PAPSS2: variants seen among roughly 807,000 people sequenced by gnomAD.
PAPSS2 encodes bifunctional 3'-phosphoadenosine 5'-phosphosulfate synthase 2.
A neutral mutation model predicts 66.5 loss-of-function variants in PAPSS2; 61 were observed. That is an observed-to-expected ratio of 0.92 (90% CI 0.75 to 1.14). The LOEUF (loss-of-function observed/expected upper bound fraction) is 1.14, where lower values mean the gene tolerates loss of function less well. Among genes scored for constraint, PAPSS2 ranks in the 50% most tolerant of loss-of-function variants. The pLI is 0.00. For missense variants in PAPSS2, 708 were observed against 789.6 expected (o/e 0.90, Z 1.24); for synonymous variants, 289 against 287.5 (o/e 1.01, Z -0.05).
intron 1 of PAPSS2, among the ~76,000 whole-genome samples, chr10:87,703,276 CGTGTGTGT>C (rs10673718): frequency 0.092 from 13,404 of 145,496 alleles, 1,345 homozygotes; most frequent in African/African-American, 0.25. Context: ...AACAACATTG[CGTGTGTGT>C]GTGTGTGTGT....
Position 87,727,320 on chromosome 10 carries a change from C to T in PAPSS2, c.917C>T (p.Pro306Leu). The T allele has an allele frequency of 6.2e-7, 1 of 1,613,800 alleles. No homozygotes were observed. Among genetic ancestry groups the T allele is most frequent in the Non-Finnish European group, 8.5e-7 (1 of 1,179,990 alleles). Reference protein sequence around the residue: ...VINMSIPIVLPVSAEDKTRLE... With the variant: ...VINMSIPIVLLVSAEDKTRLE... ...AACATGAGCATCCCCATTGTACTGC[C>T]CGTCTCTGCAGAGGATAAGACACGG... Residue 306 changes from proline to leucine, a missense_variant, in exon 9 of 13, where the codon CCC (proline) becomes CTC (leucine). Physicochemically the swap from Pro to Leu is moderately conservative, Grantham distance 98. Coordinates refer to ENST00000456849, the MANE Select transcript of PAPSS2 (RefSeq NM_001015880.2).
chr10:87,677,150 C>T (rs985816344), intron 1 of PAPSS2, among the ~76,000 whole-genome samples: 7 of 151,982 alleles, frequency 4.6e-5, no homozygotes, highest in South Asian at 2.1e-4. Context: ...GCTGAGATCA[C>T]GCCACTACAC....
chr10:87,660,890 G>C (rs955088989), intron 1 of PAPSS2: 1 of 438,506 alleles, frequency 2.3e-6, no homozygotes, highest in African/African-American at 2.0e-5. Flanking sequence ...AGACAGCACT[G>C]GGGCCACGTC....
chr10:87,710,635 A>G (rs1448638703), intron 2 of PAPSS2, among the ~76,000 whole-genome samples: 2 of 152,248 alleles, frequency 1.3e-5, no homozygotes, highest in Admixed American at 6.5e-5. Context: ...TCTAAAGGGT[A>G]TACTTTCTCC....
At chr10:87,697,838 A>T (rs1200895662) in intron 1 of PAPSS2, among the ~76,000 whole-genome samples, 1 of 152,034 alleles carries the variant, frequency 6.6e-6, no homozygotes, top group Non-Finnish European at 1.5e-5. Flanking sequence ...CACTGCACAG[A>T]CCTCTGGATT....
At chr10:87,695,010 T>C (rs993885050) in intron 1 of PAPSS2, among the ~76,000 whole-genome samples, 5 of 152,094 alleles carry the variant, frequency 3.3e-5, no homozygotes, top group African/African-American at 1.2e-4. Flanking sequence ...GAAAGCATAG[T>C]CACAAAGAGA....
chr10:87,733,379 T>C (rs1268826098), intron 9 of PAPSS2, among the ~76,000 whole-genome samples: 2 of 152,204 alleles, frequency 1.3e-5, no homozygotes, highest in East Asian at 1.9e-4. Context: ...TGGGGCTTTG[T>C]TGCCTTTCGT....
rs1272542838 is a variant in PAPSS2 at position 87,701,315 on chromosome 10, CCTTCCTTCCTTCCTTTCTTT to C, written c.28-7877_28-7858del. 2.6e-3 allele frequency among the ~76,000 whole-genome samples: 208 copies of C among 78,892 alleles called. 1 individual carries two copies. Among genetic ancestry groups the C allele is most frequent in the African/African-American group, 0.01 (148 of 14,360 alleles). 51.8% of individuals were successfully genotyped at this position (78,892 alleles called of 152,430 possible). On this transcript the variant is annotated intron_variant, in intron 1 of 12. Transcript: ENST00000456849. Reference sequence around the variant, plus strand: ...TTCTTTCTTTTTTCCTTCCTTCCTTCCTTCCTTCCTTCCTTTCTTTCTTTCTTTCTTTCTTTCTTTCTTTC... The same window carrying C: ...TTCTTTCTTTTTTCCTTCCTTCCTTCCTTTCTTTCTTTCTTTCTTTCTTTC...
At chr10:87,669,215 A>G (rs904926605) in intron 1 of PAPSS2, among the ~76,000 whole-genome samples, 1 of 152,202 alleles carries the variant, frequency 6.6e-6, no homozygotes, top group African/African-American at 2.4e-5. Flanking sequence ...GATGCCATTG[A>G]TTAGATAGCA....
At chr10:87,719,884 CTTATT>C (rs1364984939) in intron 7 of PAPSS2, among the ~76,000 whole-genome samples, 6 of 151,984 alleles carry the variant, frequency 3.9e-5, no homozygotes, top group African/African-American at 1.4e-4. Context: ...TTTTCTTTTT[CTTATT>C]TTATTTTATT....
In PAPSS2 at chr10:87,715,099, G is replaced by A; in HGVS notation, c.753+1G>A. On this transcript the variant is annotated splice_donor_variant, in intron 6 of 12. Coordinates refer to ENST00000456849, the MANE Select transcript of PAPSS2 (RefSeq NM_001015880.2). LOFTEE classifies it high-confidence loss of function. The stretch of plus-strand genomic sequence containing the variant: ...TCTCCCTTCATTATCAATTACTAAG[G>A]TAAGTGGGTGCAGACTGGTCAAATA... 2 of 1,509,902 alleles carry A rather than the reference G, an allele frequency of 1.3e-6. No individual in the cohort carries two copies. Among genetic ancestry groups the A allele is most frequent in the South Asian group, 2.2e-5 (2 of 88,958 alleles). 93.5% of individuals were successfully genotyped at this position (1,509,902 alleles called of 1,614,324 possible). A position where few individuals can be genotyped will look rare whatever the true frequency, so the allele number is the denominator to read the frequency against.
chr10:87,684,694 A>G (rs1853065935), intron 1 of PAPSS2, among the ~76,000 whole-genome samples: 1 of 152,200 alleles, frequency 6.6e-6, no homozygotes, highest in African/African-American at 2.4e-5. Flanking sequence ...ACTACCACTG[A>G]TGGGCAGTTG....
At chr10:87,696,472 A>C (rs1853235915) in intron 1 of PAPSS2, among the ~76,000 whole-genome samples, 1 of 152,234 alleles carries the variant, frequency 6.6e-6, no homozygotes, top group Non-Finnish European at 1.5e-5. Context: ...GCTAGGTCTC[A>C]CTGGCTTTCT....
intron 1 of PAPSS2, among the ~76,000 whole-genome samples, chr10:87,672,717 A>G (rs1195709588): frequency 1.3e-5 from 2 of 152,210 alleles, no homozygotes; most frequent in East Asian, 3.8e-4. Flanking sequence ...ACAATGAGAT[A>G]TCTTGGGGGA....
chr10:87,738,029 A>C (rs993583807), intron 9 of PAPSS2, among the ~76,000 whole-genome samples: 1 of 152,222 alleles, frequency 6.6e-6, no homozygotes, highest in African/African-American at 2.4e-5. Flanking sequence ...AGGTTCAGCC[A>C]TGTTATAGCA....
intron 1 of PAPSS2, among the ~76,000 whole-genome samples, chr10:87,681,664 AC>A (rs1320134055): frequency 9.2e-5 from 14 of 152,230 alleles, no homozygotes; most frequent in Non-Finnish European, 8.8e-5. Flanking sequence ...CATTTTCATT[AC>A]GCTAAAAAGA....
chr10:87,700,924 T>G (rs1026854796), intron 1 of PAPSS2, among the ~76,000 whole-genome samples: 2 of 151,818 alleles, frequency 1.3e-5, no homozygotes, highest in Non-Finnish European at 2.9e-5. Flanking sequence ...ATTATAATAA[T>G]TTCATATTTT....
At chr10:87,706,106 A>ATGTGTGTGTGTGTGTG (rs1223497557) in intron 1 of PAPSS2, among the ~76,000 whole-genome samples, 2 of 85,248 alleles carry the variant, frequency 2.3e-5, no homozygotes, top group African/African-American at 1.4e-4. Context: ...ATATATATAT[A>ATGTGTGTGTGTGTGTG]TATGTGTGTG....
chr10:87,721,080 C>T (rs545024683), intron 7 of PAPSS2, among the ~76,000 whole-genome samples: 1 of 152,256 alleles, frequency 6.6e-6, no homozygotes, highest in African/African-American at 2.4e-5. Flanking sequence ...GCATATATCA[C>T]CAGCACTTAT....
Sources: gnomAD v4.1 joint callset for allele counts (sites outside exome capture counted in the v4.1 genomes callset) on GRCh38, gnomAD v4.1.1 for gene constraint, MANE v1.5 for transcripts, NCBI Gene and HGNC (gene_info 2026-07-23, HGNC 2026-07-21) for gene names.